PCDHGB5: variants seen among roughly 807,000 people sequenced by gnomAD.
The protein encoded by PCDHGB5 is protocadherin gamma-B5.
PCDHGB5 carries 48 observed loss-of-function variants against 62.9 expected under a neutral mutation model. The ratio of observed to expected loss-of-function variants is 0.76; its 90% CI spans 0.61 to 0.97. The LOEUF is 0.97. Among genes scored for constraint, PCDHGB5 ranks in the 50% least tolerant of loss-of-function variants. The pLI is 0.00. For missense variants in PCDHGB5, 1,118 were observed against 1,198.6 expected (o/e 0.93, Z 0.99); for synonymous variants, 474 against 511.2 (o/e 0.93, Z 0.98).
In PCDHGB5 at chr5:141,491,832, C is replaced by A; in HGVS notation, c.2398-2975C>A. On this transcript the variant is annotated intron_variant, in intron 1 of 3. Coordinates refer to ENST00000617380, the MANE Select transcript of PCDHGB5 (RefSeq NM_018925.3). The surrounding 1 kb of genome is among the most constrained non-coding windows in gnomAD (Gnocchi z 6.9). ...GTCGCTGGCTGCGCTCCACCCGATT[C>A]TCGGGATCATTGGACCGTTTGCGCG... 6.8e-7 allele frequency: 1 copy of A among 1,474,424 alleles called. No individual in the cohort carries two copies. 91.3% of individuals were successfully genotyped at this position (1,474,424 alleles called of 1,614,324 possible).
intron 2 of PCDHGB5, among the ~76,000 whole-genome samples, chr5:141,502,428 A>C (rs2099814217): frequency 6.6e-6 from 1 of 151,978 alleles, no homozygotes; most frequent in South Asian, 2.1e-4. Flanking sequence ...CTATTCTCTG[A>C]TGGTTAGATT....
rs1437533706 is a variant in PCDHGB5, at chr5:141,511,419, G to C, written c.*246G>C. On this transcript the variant is annotated 3_prime_UTR_variant, in exon 4 of 4. Transcript: ENST00000617380. ...ATCCAATCAACTGCTGTACCCATGG[G>C]GGTAGTGGGGTTACTGTAGACACCA... The C allele has an allele frequency of 2.4e-6, 2 of 830,456 alleles. No individual in the cohort carries two copies. The highest frequency in any genetic ancestry group is 5.8e-5 in the East Asian group (2 of 34,260). 51.4% of individuals were successfully genotyped at this position (830,456 alleles called of 1,614,324 possible).
chr5:141,430,383 G>GAA (rs139772145), intron 1 of PCDHGB5, among the ~76,000 whole-genome samples: 39 of 138,602 alleles, frequency 2.8e-4, no homozygotes, highest in African/African-American at 7.9e-4. Context: ...AGCTCATTGG[G>GAA]AAAAAAAAAA....
At chr5:141,471,860 A>G (rs1470502617) in intron 1 of PCDHGB5, among the ~76,000 whole-genome samples, 1 of 152,202 alleles carries the variant, frequency 6.6e-6, no homozygotes, top group Non-Finnish European at 1.5e-5. Flanking sequence ...AAAAAGCAAA[A>G]CTGTGGTTGC....
At chr5:141,478,396 G>GT in intron 1 of PCDHGB5, 1 of 1,613,564 alleles carries the variant, frequency 6.2e-7, no homozygotes, top group Non-Finnish European at 8.5e-7. Flanking sequence ...ACCATCAGGT[G>GT]TATCTCACCA....
Position 141,491,417 on chromosome 5 carries a change from G to A in PCDHGB5, c.2398-3390G>A, listed in dbSNP as rs200843744. 5 of 1,613,988 alleles carry A rather than the reference G, an allele frequency of 3.1e-6. No homozygotes were observed. The highest frequency in any genetic ancestry group is 1.1e-5 in the South Asian group (1 of 91,092). Reference sequence around the variant, plus strand: ...CAGGGAAACGCAGACGGGGACGGGGGTGGAGGGCAGTGCTGCAGGCGCCAG... The same window carrying A: ...CAGGGAAACGCAGACGGGGACGGGGATGGAGGGCAGTGCTGCAGGCGCCAG... On this transcript the variant is annotated intron_variant, in intron 1 of 3. Transcript: ENST00000617380. The surrounding 1 kb of genome is among the most constrained non-coding windows in gnomAD (Gnocchi z 6.9).
chr5:141,419,644 CG>C (rs1418985518), intron 1 of PCDHGB5: 2 of 1,612,396 alleles, frequency 1.2e-6, no homozygotes, highest in Non-Finnish European at 1.7e-6. Flanking sequence ...TGGCCGTGGA[CG>C]CGGACTCGGG....
At chr5:141,456,897 A>G (rs1351271896) in intron 1 of PCDHGB5, among the ~76,000 whole-genome samples, 2 of 152,178 alleles carry the variant, frequency 1.3e-5, no homozygotes, top group Admixed American at 1.3e-4. Context: ...CGGGAGGCAG[A>G]GGTTGCAGTG....
chr5:141,431,932 CT>C lies in PCDHGB5; in HGVS notation c.2397+31411del, dbSNP rs748715936. ...TCTGTTTCATCCAAGGAAATCTGCC[CT>C]TTAAATTAGAAAAATCTTACGGAAA... On this transcript the variant is annotated intron_variant, in intron 1 of 3. Transcript: ENST00000617380. The surrounding 1 kb of genome is among the most constrained non-coding windows in gnomAD (Gnocchi z 4.8). The C allele has an allele frequency of 6.2e-7, 1 of 1,614,172 alleles. No individual in the cohort carries two copies. Among genetic ancestry groups the C allele is most frequent in the Non-Finnish European group, 8.5e-7 (1 of 1,180,002 alleles).
At position 141,485,386 on chromosome 5, in the gene PCDHGB5, C is replaced by A. The variant is rs1044608807; in HGVS notation, c.2398-9421C>A. The stretch of plus-strand genomic sequence containing the variant: ...GGCTGCAGGTCGCTGGAGAGGTGAA[C>A]CAAAGACACTTCCGTGTGGATTTGG... On this transcript the variant is annotated intron_variant, in intron 1 of 3. Coordinates refer to ENST00000617380, the MANE Select transcript of PCDHGB5 (RefSeq NM_018925.3). This position sits in a 1 kb window ranked among gnomAD's most constrained non-coding sequence, Gnocchi z 5.7. 1.2e-6 allele frequency: 2 copies of A among 1,614,104 alleles called. No homozygotes were observed. The highest frequency in any genetic ancestry group is 8.5e-7 in the Non-Finnish European group (1 of 1,180,002).
chr5:141,420,156 A>T lies in PCDHGB5; in HGVS notation c.2397+19632A>T, dbSNP rs1406451882. ...GGGGATCAAATGAATCCAGAATTTA[A>T]TTTTTTCACATCTGTTGATCATTGT... On this transcript the variant is annotated intron_variant, in intron 1 of 3. Coordinates refer to ENST00000617380, the MANE Select transcript of PCDHGB5 (RefSeq NM_018925.3). The T allele has an allele frequency of 1.4e-5, 22 of 1,613,872 alleles. No individual in the cohort carries two copies. Among genetic ancestry groups the T allele is most frequent in the Middle Eastern group, 3.3e-4 (2 of 6,084 alleles).
chr5:141,459,617 A>G (rs900986636), intron 1 of PCDHGB5, among the ~76,000 whole-genome samples: 2 of 152,258 alleles, frequency 1.3e-5, no homozygotes, highest in African/African-American at 2.4e-5. Flanking sequence ...GCTTAACTTT[A>G]TAAGAAGCTG....
chr5:141,414,161 G>A (rs960511656), intron 1 of PCDHGB5: 1 of 1,603,276 alleles, frequency 6.2e-7, no homozygotes, highest in Non-Finnish European at 8.5e-7. Flanking sequence ...GAAGATGGAG[G>A]AGCATATCTT....
At chr5:141,464,978 GT>G in intron 1 of PCDHGB5, among the ~76,000 whole-genome samples, 1 of 152,148 alleles carries the variant, frequency 6.6e-6, no homozygotes, top group East Asian at 1.9e-4. Context: ...CTGGCTTCAA[GT>G]GATCCTCCCA....
chr5:141,471,046 CTTTTT>C (rs1170588345), intron 1 of PCDHGB5, among the ~76,000 whole-genome samples: 2 of 113,276 alleles, frequency 1.8e-5, no homozygotes, highest in Non-Finnish European at 3.6e-5. Context: ...CCCAAGCCCT[CTTTTT>C]TTTTTTTTTT....
chr5:141,418,439 T>C (rs1284999606), intron 1 of PCDHGB5: 1 of 1,613,812 alleles, frequency 6.2e-7, no homozygotes, highest in Non-Finnish European at 8.5e-7. Flanking sequence ...ATATCCAGAA[T>C]TAGTATTGCA....
chr5:141,441,364 CGT>C (rs1283671958), intron 1 of PCDHGB5: 1 of 152,528 alleles, frequency 6.6e-6, no homozygotes, highest in African/African-American at 2.4e-5. Context: ...CAAATGGGGC[CGT>C]GGACCAGGAA....
At chr5:141,409,571 T>A in intron 1 of PCDHGB5, 2 of 1,613,932 alleles carry the variant, frequency 1.2e-6, no homozygotes, top group Non-Finnish European at 1.7e-6. Context: ...CCAGACGTCC[T>A]ACGTGGTCCA....
intron 1 of PCDHGB5, chr5:141,413,580 A>G (rs1216926250): frequency 5.0e-6 from 8 of 1,613,804 alleles, no homozygotes; most frequent in Non-Finnish European, 1.7e-6. Context: ...ACAATGCTCC[A>G]AAATTCCAAG....
Sources: gnomAD v4.1 joint callset for allele counts (sites outside exome capture counted in the v4.1 genomes callset) on GRCh38, gnomAD v4.1.1 for gene constraint, Gnocchi (gnomAD v3.1) non-coding constraint, MANE v1.5 for transcripts, NCBI Gene and HGNC (gene_info 2026-07-23, HGNC 2026-07-21) for gene names.